Variants in CDH9 observed in about 807,000 individuals in gnomAD.
The protein encoded by CDH9 is cadherin-9.
In CDH9, 28 loss-of-function variants were observed where a neutral mutation model predicts 70.9. The ratio of observed to expected loss-of-function variants is 0.40; its 90% CI spans 0.29 to 0.54. The LOEUF is 0.54. Among genes scored for constraint, CDH9 ranks in the 20% least tolerant of loss-of-function variants. CDH9 has a pLI of 0.59. For synonymous variants in CDH9, 409 were observed against 343.1 expected (o/e 1.19, Z -2.12); for missense variants, 874 against 984.4 (o/e 0.89, Z 1.50).
chr5:26,965,196 T>C (rs1018994225), intron 2 of CDH9, among the ~76,000 whole-genome samples: 1 of 152,128 alleles, frequency 6.6e-6, no homozygotes, highest in Non-Finnish European at 1.5e-5. Context: ...AAAAATGAAA[T>C]CTTTTAAAAT....
At chr5:26,957,380 G>T (rs1025303814) in intron 2 of CDH9, among the ~76,000 whole-genome samples, 2 of 152,094 alleles carry the variant, frequency 1.3e-5, no homozygotes, top group African/African-American at 4.8e-5. Flanking sequence ...AATTATCTTT[G>T]GCAGGGCCTG....
At chr5:26,905,646 T>A (rs576934615) in intron 5 of CDH9, among the ~76,000 whole-genome samples, 5 of 152,212 alleles carry the variant, frequency 3.3e-5, no homozygotes, top group African/African-American at 1.2e-4. Context: ...TGAGACAATC[T>A]CAGTGAATGA....
chr5:26,982,345 C>T (rs1379918680), intron 2 of CDH9, among the ~76,000 whole-genome samples: 1 of 152,000 alleles, frequency 6.6e-6, no homozygotes, highest in East Asian at 1.9e-4. Context: ...TTATGAGAAC[C>T]CTCCAATATA....
intron 1 of CDH9, among the ~76,000 whole-genome samples, chr5:27,019,296 G>T (rs1743096990): frequency 6.6e-6 from 1 of 151,944 alleles, no homozygotes; most frequent in South Asian, 2.1e-4. Flanking sequence ...TGATGTCATA[G>T]GTTAGCCAGA....
At chr5:26,906,918 T>G in intron 3 of CDH9, 80 bp from the exon 4 acceptor site, 2 of 1,453,042 alleles carry the variant, frequency 1.4e-6, no homozygotes, top group Non-Finnish European at 1.8e-6. Context: ...AATATGTTGC[T>G]CTCAGTGTTT....
chr5:26,884,250 A>T (rs1438508408), intron 11 of CDH9, among the ~76,000 whole-genome samples: 3 of 152,138 alleles, frequency 2.0e-5, no homozygotes, highest in Non-Finnish European at 4.4e-5. Flanking sequence ...ATGTTAAAAT[A>T]TCTAAACTGA....
intron 1 of CDH9, among the ~76,000 whole-genome samples, chr5:27,029,897 C>A (rs944625031): frequency 6.6e-6 from 1 of 151,932 alleles, no homozygotes; most frequent in Non-Finnish European, 1.5e-5. Context: ...AAGTGAGACA[C>A]AAGATCAGCT....
intron 2 of CDH9, among the ~76,000 whole-genome samples, chr5:26,922,126 T>C (rs184246971): frequency 2.5e-4 from 38 of 151,204 alleles, no homozygotes; most frequent in African/African-American, 8.5e-4. Flanking sequence ...ATTAAGTTAT[T>C]GGCCTTAAAG....
chr5:26,959,642 T>G (rs1424220911), intron 2 of CDH9, among the ~76,000 whole-genome samples: 1 of 152,064 alleles, frequency 6.6e-6, no homozygotes, highest in Non-Finnish European at 1.5e-5. Flanking sequence ...ATGCAATGTA[T>G]CAATTTATAC....
chr5:27,011,579 G>C (rs1216825449), intron 1 of CDH9, among the ~76,000 whole-genome samples: 1 of 152,018 alleles, frequency 6.6e-6, no homozygotes, highest in African/African-American at 2.4e-5. Context: ...CATTTCTGCT[G>C]TTTTAAGCCA....
chr5:27,010,985 A>AAG (rs1186099257), intron 1 of CDH9, among the ~76,000 whole-genome samples: 1 of 152,132 alleles, frequency 6.6e-6, no homozygotes, highest in Non-Finnish European at 1.5e-5. Flanking sequence ...TTGTCAAGAA[A>AAG]AGAGAGGGAA....
intron 1 of CDH9, among the ~76,000 whole-genome samples, chr5:26,995,203 TAA>T (rs1270472940): frequency 6.6e-6 from 1 of 152,234 alleles, no homozygotes; most frequent in African/African-American, 2.4e-5. Flanking sequence ...CTGCAAAAAT[TAA>T]TTGGTTAATT....
chr5:27,002,488 C>A (rs577689929), intron 1 of CDH9, among the ~76,000 whole-genome samples: 2 of 152,086 alleles, frequency 1.3e-5, no homozygotes, highest in Admixed American at 6.6e-5. Flanking sequence ...TATTGTGGCA[C>A]TATTCACAAT....
chr5:26,972,633 C>T (rs915499058), intron 2 of CDH9, among the ~76,000 whole-genome samples: 2 of 152,040 alleles, frequency 1.3e-5, no homozygotes, highest in Admixed American at 1.3e-4. Flanking sequence ...AAATCAGTGT[C>T]GTTAAAGGAT....
intron 2 of CDH9, among the ~76,000 whole-genome samples, chr5:26,924,455 T>G (rs1741300695): frequency 6.6e-6 from 1 of 151,108 alleles, no homozygotes; most frequent in Admixed American, 6.6e-5. Context: ...ACTGCTGAAT[T>G]TTACCAATCT....
chr5:27,008,172 C>G (rs1443968932), intron 1 of CDH9, among the ~76,000 whole-genome samples: 1 of 151,894 alleles, frequency 6.6e-6, no homozygotes, highest in Non-Finnish European at 1.5e-5. Flanking sequence ...CATGAGCTGA[C>G]CTTACAAGGA....
At chr5:26,916,431 A>G (rs899990107) in intron 2 of CDH9, among the ~76,000 whole-genome samples, 1 of 151,916 alleles carries the variant, frequency 6.6e-6, no homozygotes, top group African/African-American at 2.4e-5. Flanking sequence ...GATACATTTT[A>G]TAAGTGGATC....
At chr5:26,924,571 T>A (rs1315923989) in intron 2 of CDH9, among the ~76,000 whole-genome samples, 1 of 149,822 alleles carries the variant, frequency 6.7e-6, no homozygotes, top group Non-Finnish European at 1.5e-5. Context: ...TGTAATACTT[T>A]CAGTTCTAGA....
At chr5:26,947,529 T>C (rs1741774755) in intron 2 of CDH9, among the ~76,000 whole-genome samples, 1 of 152,112 alleles carries the variant, frequency 6.6e-6, no homozygotes, top group African/African-American at 2.4e-5. Flanking sequence ...TAAGGAAGCT[T>C]TATGTATAGC....
Sources: allele counts gnomAD v4.1 joint callset (sites outside exome capture counted in the v4.1 genomes callset), GRCh38; gene constraint gnomAD v4.1.1; transcripts MANE v1.5; gene names NCBI Gene and HGNC (gene_info 2026-07-23, HGNC 2026-07-21).